The following LDLRAD3 variants were observed in gnomAD, a reference collection of about 807,000 sequenced individuals.
LDLRAD3 encodes the protein low-density lipoprotein receptor class A domain-containing protein 3.
Under a neutral mutation model 29.4 loss-of-function variants are expected in LDLRAD3, and 20 were observed. The observed-to-expected ratio is 0.68, with a 90% CI of 0.48 to 0.99. LDLRAD3 has a LOEUF of 0.99. Among genes scored for constraint, LDLRAD3 ranks in the 50% least tolerant of loss-of-function variants. The probability of loss-of-function intolerance (pLI) is 0.00; values close to 1 mark genes in which losing one functional copy is unlikely to be tolerated. For synonymous variants in LDLRAD3, 157 were observed against 192.7 expected (o/e 0.81, Z 1.53); for missense variants, 420 against 454.3 (o/e 0.92, Z 0.69).
intron 4 of LDLRAD3, among the ~76,000 whole-genome samples, chr11:36,172,383 G>A (rs183779807): frequency 9.2e-5 from 14 of 151,482 alleles, no homozygotes; most frequent in East Asian, 1.9e-4. Context: ...TAGAAGTGGC[G>A]GGCATCCTTG....
chr11:35,991,828 C>T (rs1851693664), intron 1 of LDLRAD3, among the ~76,000 whole-genome samples: 1 of 150,820 alleles, frequency 6.6e-6, no homozygotes, highest in African/African-American at 2.5e-5. Context: ...TTGTAGGAGT[C>T]ACATTGCATG....
chr11:36,029,026 C>T (rs1852202044), intron 1 of LDLRAD3, among the ~76,000 whole-genome samples: 1 of 152,164 alleles, frequency 6.6e-6, no homozygotes, highest in Non-Finnish European at 1.5e-5. Context: ...AGGCGGATCA[C>T]AGGGTCAGGA....
chr11:36,160,283 G>A (rs1035023261), intron 4 of LDLRAD3, among the ~76,000 whole-genome samples: 6 of 152,144 alleles, frequency 3.9e-5, no homozygotes, highest in East Asian at 1.9e-4. Flanking sequence ...GGCCAGCCTC[G>A]AGGGACGTGG....
intron 1 of LDLRAD3, among the ~76,000 whole-genome samples, chr11:35,959,043 A>G (rs558742506): frequency 6.6e-6 from 1 of 152,294 alleles, no homozygotes; most frequent in East Asian, 1.9e-4. Context: ...ACAAATCAAG[A>G]TGGTGTCGGT....
chr11:36,081,841 C>T (rs1012323143), intron 3 of LDLRAD3, 63 bp downstream of exon 3: 50 of 1,595,202 alleles, frequency 3.1e-5, no homozygotes, highest in Non-Finnish European at 4.2e-5. Flanking sequence ...AACTTGTCCA[C>T]ATTGGTCACC....
intron 2 of LDLRAD3, among the ~76,000 whole-genome samples, chr11:36,057,823 C>T (rs1852643188): frequency 1.3e-5 from 2 of 152,328 alleles, no homozygotes; most frequent in South Asian, 2.1e-4. Context: ...CGAAACCACA[C>T]ATTTGCGTCA....
At chr11:36,057,882 C>T (rs1040625199) in intron 2 of LDLRAD3, among the ~76,000 whole-genome samples, 2 of 152,208 alleles carry the variant, frequency 1.3e-5, no homozygotes, top group Admixed American at 1.3e-4. Flanking sequence ...TCTGGGTTCA[C>T]ATCCTGGCTC....
intron 4 of LDLRAD3, among the ~76,000 whole-genome samples, chr11:36,124,852 C>T (rs1022070534): frequency 1.3e-5 from 2 of 151,990 alleles, no homozygotes. Flanking sequence ...CCACCATGCC[C>T]AGCTAATTTT....
intron 4 of LDLRAD3, among the ~76,000 whole-genome samples, chr11:36,141,997 C>T (rs932188622): frequency 1.2e-4 from 18 of 152,192 alleles, no homozygotes; most frequent in African/African-American, 4.3e-4. Context: ...TGGGACCTTT[C>T]CCTGAATCTC....
intron 4 of LDLRAD3, 115 bp downstream of exon 4, chr11:36,098,576 G>C (rs1853399324): frequency 2.4e-6 from 3 of 1,252,592 alleles, no homozygotes; most frequent in East Asian, 2.5e-5. Context: ...AGCTCTGTTA[G>C]TTTTTGCACT....
intron 1 of LDLRAD3, among the ~76,000 whole-genome samples, chr11:36,026,104 G>A (rs972642688): frequency 1.3e-5 from 2 of 151,988 alleles, no homozygotes; most frequent in Non-Finnish European, 2.9e-5. Flanking sequence ...TACCTCTCCT[G>A]TACATTTAAA....
At chr11:36,164,239 C>T (rs1025882905) in intron 4 of LDLRAD3, among the ~76,000 whole-genome samples, 5 of 152,182 alleles carry the variant, frequency 3.3e-5, no homozygotes, top group African/African-American at 9.7e-5. Context: ...AGCACATGGG[C>T]GTTGGGTTTG....
Position 36,035,860 on chromosome 11 carries a change from C to G in LDLRAD3, c.47-243C>G, listed in dbSNP as rs1852296974. ...GAAAGAAAAAAAGTCAGTGAACACC[C>G]ATTTTGTGCCTGACATTCAAGTATG... On this transcript the variant is annotated intron_variant, in intron 1 of 5. Coordinates refer to ENST00000315571, the MANE Select transcript of LDLRAD3 (RefSeq NM_174902.4). Among the ~76,000 whole-genome samples, 3 of 152,182 alleles carry G rather than the reference C, an allele frequency of 2.0e-5. No individual in the cohort carries two copies. The South Asian group carries it at 6.2e-4, about 32-fold the overall frequency.
At chr11:36,050,935 G>A (rs1462888760) in intron 2 of LDLRAD3, among the ~76,000 whole-genome samples, 1 of 152,132 alleles carries the variant, frequency 6.6e-6, no homozygotes, top group Admixed American at 6.5e-5. Flanking sequence ...CTCATATGGT[G>A]TAAAGGATGC....
chr11:36,188,376 A>AG (rs1179492452), intron 4 of LDLRAD3, among the ~76,000 whole-genome samples: 26 of 51,518 alleles, frequency 5.0e-4, no homozygotes, highest in African/African-American at 1.4e-3. Flanking sequence ...ACCAGCAAAA[A>AG]AAAAAAAAAA....
At chr11:36,168,123 C>G (rs1381538846) in intron 4 of LDLRAD3, among the ~76,000 whole-genome samples, 3 of 152,148 alleles carry the variant, frequency 2.0e-5, no homozygotes, top group Non-Finnish European at 2.9e-5. Flanking sequence ...GCTGAATTTG[C>G]TTTTTATTTG....
intron 4 of LDLRAD3, chr11:36,184,078 G>C: frequency 4.0e-6 from 1 of 251,510 alleles, no homozygotes; most frequent in South Asian, 3.5e-5. Flanking sequence ...TGATTCTCCT[G>C]CCTCAGCCTC....
At chr11:36,131,285 G>C (rs184578558) in intron 4 of LDLRAD3, among the ~76,000 whole-genome samples, 3 of 152,194 alleles carry the variant, frequency 2.0e-5, no homozygotes, top group Admixed American at 6.5e-5. Flanking sequence ...AGCAGCAGAC[G>C]CATCTCAAAG....
chr11:36,093,902 G>A (rs1200848772), intron 3 of LDLRAD3, among the ~76,000 whole-genome samples: 1 of 132,684 alleles, frequency 7.5e-6, no homozygotes, highest in Non-Finnish European at 1.7e-5. Flanking sequence ...GTTTGTGACT[G>A]TGCAAAAAAG....
Sources: gnomAD v4.1 joint callset for allele counts (sites outside exome capture counted in the v4.1 genomes callset) on GRCh38, gnomAD v4.1.1 for gene constraint, MANE v1.5 for transcripts, NCBI Gene and HGNC (gene_info 2026-07-23, HGNC 2026-07-21) for gene names.